The following PTPRR variants were observed in gnomAD, a reference collection of about 807,000 sequenced individuals.
PTPRR encodes the protein receptor-type tyrosine-protein phosphatase R.
PTPRR carries 38 observed loss-of-function variants against 77.2 expected under a neutral mutation model. That is an observed-to-expected ratio of 0.49 (90% confidence interval 0.38 to 0.65). PTPRR has a LOEUF of 0.65. Among genes scored for constraint, PTPRR ranks in the 30% least tolerant of loss-of-function variants. The pLI, the probability that PTPRR is intolerant of heterozygous loss-of-function variation, is 0.00. For synonymous variants in PTPRR, 299 were observed against 283.1 expected (o/e 1.06, Z -0.57); for missense variants, 744 against 799.2 (o/e 0.93, Z 0.83).
chr12:70,641,394 T>C (rs1411506294), intron 13 of PTPRR, among the ~76,000 whole-genome samples: 1 of 152,224 alleles, frequency 6.6e-6, no homozygotes, highest in Non-Finnish European at 1.5e-5. Flanking sequence ...TATTTACATG[T>C]CCAACTGGTG....
At chr12:70,874,894 C>A (rs558250449) in intron 2 of PTPRR, among the ~76,000 whole-genome samples, 1 of 144,920 alleles carries the variant, frequency 6.9e-6, no homozygotes, top group Non-Finnish European at 1.5e-5. Flanking sequence ...TGCACTCCAG[C>A]CCAGTGACAG....
In PTPRR at chr12:70,889,635, C is replaced by T. The variant is rs539100715; in HGVS notation, c.357+3044G>A. ...GATTCTAGGATCTCAAGGAGAGGAT[C>T]GCAAGCCCCTGGAAACTCATCATCT... On this transcript the variant is annotated intron_variant, in intron 2 of 13. Transcript: ENST00000283228. Among the ~76,000 whole-genome samples, 9 of 152,142 alleles carry T rather than the reference C, an allele frequency of 5.9e-5. No individual in the cohort carries two copies. The South Asian group carries it at 1.7e-3, about 28-fold the overall frequency.
intron 13 of PTPRR, among the ~76,000 whole-genome samples, chr12:70,651,039 A>G (rs978919570): frequency 2.0e-5 from 3 of 152,162 alleles, no homozygotes; most frequent in African/African-American, 7.2e-5. Context: ...GGCCTCACAA[A>G]TTATGTAGCT....
chr12:70,765,478 A>G (rs1188882461), intron 2 of PTPRR, among the ~76,000 whole-genome samples: 2 of 152,208 alleles, frequency 1.3e-5, no homozygotes, highest in Admixed American at 6.5e-5. Context: ...GCCATTGCCC[A>G]GGCTCACTTA....
intron 4 of PTPRR, among the ~76,000 whole-genome samples, chr12:70,757,317 T>C (rs981868273): frequency 6.6e-6 from 1 of 152,206 alleles, no homozygotes; most frequent in African/African-American, 2.4e-5. Context: ...TAATTTGCAA[T>C]TGAACAACAA....
intron 13 of PTPRR, among the ~76,000 whole-genome samples, chr12:70,651,914 AT>A (rs1886409518): frequency 6.6e-6 from 1 of 151,482 alleles, no homozygotes; most frequent in Admixed American, 6.6e-5. Flanking sequence ...AAAAAAAAAA[AT>A]TAGGCCAAGA....
intron 11 of PTPRR, 111 bp downstream of exon 11, chr12:70,662,384 C>T (rs1037211423): frequency 1.4e-5 from 8 of 585,498 alleles, no homozygotes; most frequent in Admixed American, 3.6e-5. Flanking sequence ...TTGATCTTAA[C>T]ATTATTTAAT....
chr12:70,757,645 C>G (rs1890593600), intron 4 of PTPRR, among the ~76,000 whole-genome samples: 1 of 151,882 alleles, frequency 6.6e-6, no homozygotes, highest in Non-Finnish European at 1.5e-5. Flanking sequence ...TATGAAAAAA[C>G]AATAAAAAAC....
At chr12:70,872,694 CAAAAAA>C (rs377557224) in intron 2 of PTPRR, among the ~76,000 whole-genome samples, 43 of 43,444 alleles carry the variant, frequency 9.9e-4, no homozygotes, top group African/African-American at 2.7e-4. Context: ...GACTCTGTCT[CAAAAAA>C]AAAAAAAAAA....
intron 2 of PTPRR, among the ~76,000 whole-genome samples, chr12:70,789,582 G>C (rs1891388607): frequency 6.6e-6 from 1 of 151,894 alleles, no homozygotes; most frequent in African/African-American, 2.4e-5. Flanking sequence ...AACCCTGAGG[G>C]ATTTCAGATA....
chr12:70,775,724 C>T (rs1217369854), intron 2 of PTPRR, among the ~76,000 whole-genome samples: 1 of 152,112 alleles, frequency 6.6e-6, no homozygotes, highest in Non-Finnish European at 1.5e-5. Flanking sequence ...CCAAAGCTTC[C>T]TTTTGGACCA....
At chr12:70,751,487 G>A (rs1260408812) in intron 5 of PTPRR, among the ~76,000 whole-genome samples, 2 of 152,048 alleles carry the variant, frequency 1.3e-5, no homozygotes, top group Non-Finnish European at 2.9e-5. Flanking sequence ...ATCATATCAA[G>A]GCTCTGCCTA....
intron 1 of PTPRR, among the ~76,000 whole-genome samples, chr12:70,897,919 A>G (rs201896245): frequency 2.0e-5 from 3 of 149,132 alleles, no homozygotes; most frequent in East Asian, 2.0e-4. Flanking sequence ...ACCAAACACC[A>G]CATGTTCTCA....
In PTPRR at chr12:70,640,302, A is replaced by G. The variant is rs372823001; in HGVS notation, c.1881-1025T>C. ...ATTCTCCCACCTCAGCCTCTGGTGT[A>G]GCTGGGACCACAGGCACCACCACAC... On this transcript the variant is annotated intron_variant, in intron 13 of 13. Coordinates refer to ENST00000283228, the MANE Select transcript of PTPRR (RefSeq NM_002849.4). 2.8e-4 allele frequency among the ~76,000 whole-genome samples: 43 copies of G among 152,114 alleles called. 1 individual carries two copies. In the East Asian group the frequency reaches 7.9e-3, roughly 28 times the overall value.
chr12:70,876,725 A>G (rs2137098551), intron 2 of PTPRR, among the ~76,000 whole-genome samples: 1 of 152,268 alleles, frequency 6.6e-6, no homozygotes, highest in Non-Finnish European at 1.5e-5. Flanking sequence ...TTGCATTTGG[A>G]TTAATAACAT....
chr12:70,708,162 T>C (rs1276303717), intron 6 of PTPRR, among the ~76,000 whole-genome samples: 1 of 152,150 alleles, frequency 6.6e-6, no homozygotes, highest in Non-Finnish European at 1.5e-5. Context: ...TGATTTGCAG[T>C]AAAGTGTGAA....
At chr12:70,805,285 A>G (rs1489955556) in intron 2 of PTPRR, among the ~76,000 whole-genome samples, 1 of 151,776 alleles carries the variant, frequency 6.6e-6, no homozygotes, top group Non-Finnish European at 1.5e-5. Context: ...GTTAAAATCA[A>G]TGATTTTTGA....
chr12:70,719,002 G>C (rs78645833), intron 6 of PTPRR, among the ~76,000 whole-genome samples: 4,297 of 152,264 alleles, frequency 0.028, 99 homozygotes, highest in East Asian at 0.068. Flanking sequence ...AAAACGAGGT[G>C]CTTAAGACAT....
chr12:70,655,583 C>CATGCTACA (rs1490628097), intron 13 of PTPRR, among the ~76,000 whole-genome samples: 1 of 152,190 alleles, frequency 6.6e-6, no homozygotes, highest in African/African-American at 2.4e-5. Flanking sequence ...AATTCTGACA[C>CATGCTACA]ATGCTACAAC....
Sources: gnomAD v4.1 joint callset for allele counts (sites outside exome capture counted in the v4.1 genomes callset) on GRCh38, gnomAD v4.1.1 for gene constraint, MANE v1.5 for transcripts, NCBI Gene and HGNC (gene_info 2026-07-23, HGNC 2026-07-21) for gene names.